EBF2: variants seen among roughly 807,000 people sequenced by gnomAD.
EBF2 encodes the protein EBF transcription factor 2, also known as transcription factor COE2.
EBF2 carries 21 observed loss-of-function variants against 72.8 expected under a neutral mutation model. The observed-to-expected ratio is 0.29, with a 90% CI of 0.20 to 0.42. The LOEUF (loss-of-function observed/expected upper bound fraction) is 0.42. EBF2 is among the 10% of genes least tolerant of loss of function. EBF2 has a pLI of 1.00. For missense variants in EBF2, 637 were observed against 731.2 expected (o/e 0.87, Z 1.49); for synonymous variants, 299 against 274.2 (o/e 1.09, Z -0.89).
At chr8:25,971,766 A>G (rs1165476296) in intron 6 of EBF2, among the ~76,000 whole-genome samples, 1 of 151,624 alleles carries the variant, frequency 6.6e-6, no homozygotes, top group Non-Finnish European at 1.5e-5. Flanking sequence ...CTGCTGTATT[A>G]TTTATGGTTT....
Position 25,948,988 on chromosome 8 carries a change from C to T in EBF2, c.552-40433G>A, listed in dbSNP as rs1803815372. ...ATCATGGGCTGAAAAAATAATAGGT[C>T]TTGCACAGATATACTCTTCTACTAT... On this transcript the variant is annotated intron_variant, in intron 6 of 15. Transcript: ENST00000520164. Among the ~76,000 whole-genome samples, 3 of 152,202 alleles carry T rather than the reference C, an allele frequency of 2.0e-5. 1 individual carries two copies. In the South Asian group the frequency reaches 6.2e-4, roughly 32 times the overall value.
chr8:25,866,231 C>T (rs955313878), intron 10 of EBF2, among the ~76,000 whole-genome samples: 1 of 151,588 alleles, frequency 6.6e-6, no homozygotes, highest in Non-Finnish European at 1.5e-5. Flanking sequence ...CCAAACAATG[C>T]CCCAAAATGA....
intron 6 of EBF2, among the ~76,000 whole-genome samples, chr8:25,998,125 T>A (rs1804666379): frequency 6.6e-6 from 1 of 152,192 alleles, no homozygotes; most frequent in Non-Finnish European, 1.5e-5. Context: ...TTCTTAGGCC[T>A]TCTTCCCCAT....
At position 25,887,972 on chromosome 8, in the gene EBF2, G is replaced by C; in HGVS notation, c.752C>G (p.Ala251Gly). Reference sequence around the variant, plus strand: ...GCTAATGGCTTTGATGCAGGGGGTAGCTAAGAAGACAGGAAAGAAAAAGTC... The same window carrying C: ...GCTAATGGCTTTGATGCAGGGGGTACCTAAGAAGACAGGAAAGAAAAAGTC... ...RRARRLDPSE[A>G]TPCIKAISPS... Residue 251 changes from alanine to glycine, a missense_variant and splice_region_variant, in exon 9 of 16, where the codon GCT becomes GGT. By Grantham distance (60) the Ala-to-Gly change is moderately conservative. This residue lies in a region of EBF2 where 204 missense variants were observed against 301.2 expected (regional missense o/e 0.68). Transcript: ENST00000520164. 6.2e-7 allele frequency: 1 copy of C among 1,604,672 alleles called. No individual in the cohort carries two copies.
At position 26,044,402 on chromosome 8, in the gene EBF2, C is replaced by A. The variant is rs965285262; in HGVS notation, c.131+327G>T. On this transcript the variant is annotated intron_variant, in intron 1 of 15. Coordinates refer to ENST00000520164, the MANE Select transcript of EBF2 (RefSeq NM_022659.4). The surrounding 1 kb of genome is among the most constrained non-coding windows in gnomAD (Gnocchi z 4.1). ...GTTCACGCTCCGTTCGGGGCCAGGC[C>A]GGCTCGGCTTGCAGGACTAGGGGCT... Among the ~76,000 whole-genome samples the A allele has an allele frequency of 6.6e-6, 1 of 152,378 alleles. No individual in the cohort carries two copies.
intron 6 of EBF2, among the ~76,000 whole-genome samples, chr8:25,999,823 G>A (rs573238222): frequency 4.6e-5 from 7 of 151,736 alleles, no homozygotes; most frequent in South Asian, 4.2e-4. Flanking sequence ...TTTCCTCATC[G>A]TTTTCTTTGC....
intron 6 of EBF2, among the ~76,000 whole-genome samples, chr8:25,929,716 A>G (rs17054639): frequency 0.11 from 17,134 of 152,114 alleles, 1,442 homozygotes; most frequent in African/African-American, 0.23. Flanking sequence ...CTAAACACAC[A>G]TGAGTAAGGT....
chr8:25,958,328 G>T (rs1803981316), intron 6 of EBF2, among the ~76,000 whole-genome samples: 1 of 152,148 alleles, frequency 6.6e-6, no homozygotes, highest in South Asian at 2.1e-4. Flanking sequence ...ATTTCATCCA[G>T]ACATGCAGGG....
chr8:25,998,103 GT>G (rs2117217018), intron 6 of EBF2, among the ~76,000 whole-genome samples: 1 of 152,248 alleles, frequency 6.6e-6, no homozygotes, highest in South Asian at 2.1e-4. Flanking sequence ...TAATGAAATT[GT>G]TTTTTAGGTC....
At chr8:25,847,009 G>A (rs1220239171) in intron 15 of EBF2, among the ~76,000 whole-genome samples, 1 of 152,204 alleles carries the variant, frequency 6.6e-6, no homozygotes, top group Non-Finnish European at 1.5e-5. Context: ...TGTCCCTGAA[G>A]ACACAGTGGG....
At chr8:25,879,937 A>C (rs996023948) in intron 10 of EBF2, among the ~76,000 whole-genome samples, 1 of 152,134 alleles carries the variant, frequency 6.6e-6, no homozygotes, top group African/African-American at 2.4e-5. Flanking sequence ...GCATTTATTT[A>C]TTAGTGCAGT....
chr8:25,877,305 G>A (rs991126904), intron 10 of EBF2, among the ~76,000 whole-genome samples: 5 of 152,250 alleles, frequency 3.3e-5, no homozygotes, highest in East Asian at 3.9e-4. Context: ...AAGTCTGCGC[G>A]GAAGACAGAG....
chr8:25,998,832 G>A (rs188016082), intron 6 of EBF2, among the ~76,000 whole-genome samples: 3 of 152,300 alleles, frequency 2.0e-5, no homozygotes, highest in African/African-American at 7.2e-5. Context: ...TTACACAAAA[G>A]ATTGATATCT....
intron 7 of EBF2, among the ~76,000 whole-genome samples, chr8:25,894,515 C>T (rs1215921436): frequency 6.6e-6 from 1 of 152,174 alleles, no homozygotes; most frequent in African/African-American, 2.4e-5. Context: ...AATCAGTCAA[C>T]CCCTGACAAC....
intron 6 of EBF2, among the ~76,000 whole-genome samples, chr8:25,961,863 C>T (rs192827803): frequency 8.4e-4 from 128 of 152,172 alleles, no homozygotes; most frequent in Non-Finnish European, 1.5e-3. Context: ...ATTCATTTGC[C>T]CATTATTCTT....
intron 6 of EBF2, among the ~76,000 whole-genome samples, chr8:25,937,559 G>A (rs1803599838): frequency 6.6e-6 from 1 of 152,156 alleles, no homozygotes; most frequent in Non-Finnish European, 1.5e-5. Context: ...TGACATGGGC[G>A]ATGGGGCGGG....
intron 15 of EBF2, among the ~76,000 whole-genome samples, chr8:25,846,066 G>A (rs1487689906): frequency 6.6e-6 from 1 of 151,980 alleles, no homozygotes; most frequent in Non-Finnish European, 1.5e-5. Flanking sequence ...TGTGAGATCT[G>A]GATTAAGGTC....
chr8:25,897,172 T>A (rs1156450419), intron 7 of EBF2, among the ~76,000 whole-genome samples: 7 of 152,050 alleles, frequency 4.6e-5, no homozygotes, highest in Admixed American at 1.3e-4. Flanking sequence ...GAGAAGGGAC[T>A]GGGCATCAAT....
At chr8:25,964,022 G>C (rs890280436) in intron 6 of EBF2, among the ~76,000 whole-genome samples, 2 of 152,070 alleles carry the variant, frequency 1.3e-5, no homozygotes, top group Non-Finnish European at 2.9e-5. Flanking sequence ...TATATAGAAG[G>C]CTCCTAACAG....
Sources: allele counts gnomAD v4.1 joint callset (sites outside exome capture counted in the v4.1 genomes callset), GRCh38; gene constraint gnomAD v4.1.1; regional missense constraint gnomAD v4.1.1; non-coding constraint Gnocchi (gnomAD v3.1); transcripts MANE v1.5; gene names NCBI Gene and HGNC (gene_info 2026-07-23, HGNC 2026-07-21).